PLXNA4: variants seen among roughly 807,000 people sequenced by gnomAD.
PLXNA4 encodes the protein plexin-A4.
PLXNA4 carries 44 observed loss-of-function variants against 191.8 expected under a neutral mutation model. The ratio of observed to expected loss-of-function variants is 0.23; its 90% CI spans 0.18 to 0.29. The LOEUF (loss-of-function observed/expected upper bound fraction) is 0.29, where lower values mean the gene tolerates loss of function less well. Ranked by LOEUF, PLXNA4 falls within the 10% of genes least tolerant of loss-of-function variation. The probability of loss-of-function intolerance (pLI) is 1.00; values close to 1 mark genes in which losing one functional copy is unlikely to be tolerated. For synonymous variants in PLXNA4, 1,082 were observed against 1,009.5 expected (o/e 1.07, Z -1.36); for missense variants, 1,800 against 2,488.8 (o/e 0.72, Z 5.89).
Position 132,508,775 on chromosome 7 carries a change from C to T in PLXNA4, c.-82G>A. 2 of 1,437,580 alleles carry T rather than the reference C, an allele frequency of 1.4e-6. No homozygotes were observed. The highest frequency in any genetic ancestry group is 1.8e-6 in the Non-Finnish European group (2 of 1,100,192). 89.1% of individuals were successfully genotyped at this position (1,437,580 alleles called of 1,614,324 possible). A position where few individuals can be genotyped will look rare whatever the true frequency, so the allele number is the denominator to read the frequency against. On this transcript the variant is annotated 5_prime_UTR_variant, in exon 2 of 32. Coordinates refer to ENST00000321063, the MANE Select transcript of PLXNA4 (RefSeq NM_020911.2). This position sits in a 1 kb window ranked among gnomAD's most constrained non-coding sequence, Gnocchi z 4.4. Reference sequence around the variant, plus strand: ...GGCCAGGACTCAGCAATGCAGTCTCCCCTACTGGAGAAAGGGAAGACAATG... The same window carrying T: ...GGCCAGGACTCAGCAATGCAGTCTCTCCTACTGGAGAAAGGGAAGACAATG...
chr7:132,533,343 T>C (rs1341036557), intron 1 of PLXNA4, among the ~76,000 whole-genome samples: 2 of 152,114 alleles, frequency 1.3e-5, no homozygotes, highest in Admixed American at 1.3e-4. Context: ...AGCCAAATCC[T>C]TGGGTGGAAC....
At chr7:132,319,421 T>C (rs1308486401) in intron 3 of PLXNA4, among the ~76,000 whole-genome samples, 1 of 152,108 alleles carries the variant, frequency 6.6e-6, no homozygotes. Flanking sequence ...CTAGATCTGT[T>C]CTCAGGGTTC....
At chr7:132,169,759 G>C (rs1796228749) in intron 21 of PLXNA4, among the ~76,000 whole-genome samples, 1 of 151,872 alleles carries the variant, frequency 6.6e-6, no homozygotes, top group Non-Finnish European at 1.5e-5. Context: ...TGGCTTGAGG[G>C]GTGCTGGCTT....
intron 2 of PLXNA4, among the ~76,000 whole-genome samples, chr7:132,622,102 A>G (rs1803279474): frequency 6.6e-6 from 1 of 152,026 alleles, no homozygotes; most frequent in Non-Finnish European, 1.5e-5. Flanking sequence ...TTGAAATGTA[A>G]ATGGAGTGAT....
At chr7:132,563,377 T>C (rs1472083641) in intron 1 of PLXNA4, among the ~76,000 whole-genome samples, 671 of 23,304 alleles carry the variant, frequency 0.029, no homozygotes, top group East Asian at 0.047. Context: ...TCCTCCTCCT[T>C]CTCCTCCTCC....
At chr7:132,156,183 G>GACGCACAC (rs1562887679) in intron 25 of PLXNA4, among the ~76,000 whole-genome samples, 2 of 73,948 alleles carry the variant, frequency 2.7e-5, no homozygotes, top group Non-Finnish European at 5.7e-5. Flanking sequence ...CACACACACA[G>GACGCACAC]ACGCACACAC....
At chr7:132,132,468 C>A (rs57393113) in intron 31 of PLXNA4, among the ~76,000 whole-genome samples, 3,533 of 44,386 alleles carry the variant, frequency 0.08, 307 homozygotes, top group Admixed American at 0.14. Flanking sequence ...TTCTGTTCTG[C>A]TCTGCTCTGC....
chr7:132,265,981 C>T (rs1326946742), intron 4 of PLXNA4, among the ~76,000 whole-genome samples: 3 of 152,170 alleles, frequency 2.0e-5, no homozygotes, highest in East Asian at 3.9e-4. Context: ...AAAAGAGGAG[C>T]TCTAAAATGG....
rs746114279 is a variant in PLXNA4, at chr7:132,396,312, C to A, written c.1371+92980G>T. Among the ~76,000 whole-genome samples, 96 of 152,086 alleles carry A rather than the reference C, an allele frequency of 6.3e-4. 1 individual carries two copies. The highest frequency in any genetic ancestry group is 2.1e-4 in the Non-Finnish European group (14 of 68,030). On this transcript the variant is annotated intron_variant, in intron 3 of 31. Transcript: ENST00000321063. ...AGTTTCGGAAAGAGATGAAGAATAG[C>A]CAACACATATGTAGCACTCATATAA...
At chr7:132,429,137 C>T (rs545526127) in intron 3 of PLXNA4, among the ~76,000 whole-genome samples, 99 of 152,086 alleles carry the variant, frequency 6.5e-4, no homozygotes, top group Non-Finnish European at 9.3e-4. Flanking sequence ...ATCATGCAGC[C>T]CAAACTTCTC....
intron 2 of PLXNA4, among the ~76,000 whole-genome samples, chr7:132,615,711 C>T (rs537242199): frequency 3.9e-5 from 6 of 152,156 alleles, no homozygotes; most frequent in African/African-American, 1.4e-4. Context: ...CTGGGAGACC[C>T]CATTTGAGCC....
chr7:132,359,997 T>C (rs1803871121), intron 3 of PLXNA4, among the ~76,000 whole-genome samples: 1 of 152,238 alleles, frequency 6.6e-6, no homozygotes, highest in Non-Finnish European at 1.5e-5. Context: ...AATTGCTATA[T>C]AGTTCTCAAT....
chr7:132,181,956 C>T (rs1263982370), intron 17 of PLXNA4, 141 bp downstream of exon 17: 2 of 1,365,654 alleles, frequency 1.5e-6, no homozygotes, highest in Non-Finnish European at 2.0e-6. Flanking sequence ...ATTCCACTAT[C>T]CTAGTATTCA....
At chr7:132,448,460 G>GT (rs1795990740) in intron 3 of PLXNA4, among the ~76,000 whole-genome samples, 1 of 152,208 alleles carries the variant, frequency 6.6e-6, no homozygotes, top group African/African-American at 2.4e-5. Flanking sequence ...AGAGCCAAGA[G>GT]TTTCATGAAG....
At chr7:132,365,561 C>T (rs2116873118) in intron 3 of PLXNA4, among the ~76,000 whole-genome samples, 1 of 152,204 alleles carries the variant, frequency 6.6e-6, no homozygotes, top group East Asian at 1.9e-4. Context: ...CATTCCGGAA[C>T]TGTGGCTGAT....
chr7:132,596,196 T>C (rs550609075), intron 2 of PLXNA4, among the ~76,000 whole-genome samples: 9 of 152,224 alleles, frequency 5.9e-5, no homozygotes, highest in African/African-American at 4.8e-5. Flanking sequence ...ATATTCTTGA[T>C]TTGTATGATT....
At position 132,140,712 on chromosome 7, in the gene PLXNA4, A is replaced by G. The variant is rs1337032235; in HGVS notation, c.5325T>C (p.Ala1775=). The change falls in exon 30 of 32, where the codon GCT becomes GCC. Residue 1775 remains alanine, a synonymous_variant. Transcript: ENST00000321063. ...TGGAGCAAGAGTCCATGAAGGTCTG[A>G]GCCACCACAGAGAGGCAGGCGTCTG... ...SITDACLSVV[A]QTFMDSCSTS... is the part of the protein sequence containing the mutation. 6 of 1,614,072 alleles carry G rather than the reference A, an allele frequency of 3.7e-6. No homozygotes were observed. In the Admixed American group the frequency reaches 1.0e-4, roughly 27 times the overall value.
At chr7:132,459,378 C>G (rs139862956) in intron 3 of PLXNA4, among the ~76,000 whole-genome samples, 1 of 152,166 alleles carries the variant, frequency 6.6e-6, no homozygotes, top group African/African-American at 2.4e-5. Context: ...TGAAATATAG[C>G]CTTCTTGATC....
At chr7:132,182,379 G>A (rs1053867484) in intron 16 of PLXNA4, among the ~76,000 whole-genome samples, 189 bp from the exon 17 acceptor site, 1 of 152,164 alleles carries the variant, frequency 6.6e-6, no homozygotes, top group Non-Finnish European at 1.5e-5. Context: ...CAAGGGGAGG[G>A]CAGTAATGAC....
Sources: gnomAD v4.1 joint callset for allele counts (sites outside exome capture counted in the v4.1 genomes callset) on GRCh38, gnomAD v4.1.1 for gene constraint, Gnocchi (gnomAD v3.1) non-coding constraint, MANE v1.5 for transcripts, NCBI Gene and HGNC (gene_info 2026-07-23, HGNC 2026-07-21) for gene names.